Variants in SPATA17 observed in about 807,000 individuals in gnomAD.
SPATA17 encodes the protein spermatogenesis associated 17.
Under a neutral mutation model 62.2 loss-of-function variants are expected in SPATA17, and 53 were observed. The observed-to-expected ratio is 0.85, with a 90% CI of 0.68 to 1.07. SPATA17 has a LOEUF of 1.07. Ranked by LOEUF, SPATA17 falls within the 50% of genes least tolerant of loss-of-function variation. SPATA17 has a pLI of 0.00. For missense variants in SPATA17, 466 were observed against 425.5 expected (o/e 1.10, Z -0.84); for synonymous variants, 146 against 146.8 (o/e 0.99, Z 0.04).
chr1:217,765,409 A>C (rs1377158845), intron 6 of SPATA17, among the ~76,000 whole-genome samples: 1 of 151,768 alleles, frequency 6.6e-6, no homozygotes, highest in Non-Finnish European at 1.5e-5. Flanking sequence ...CAATGCAATA[A>C]ATTTTCCTTT....
chr1:217,653,404 C>G lies in SPATA17; in HGVS notation c.240+2226C>G, dbSNP rs372240621. Among the ~76,000 whole-genome samples, 16 of 152,272 alleles carry G rather than the reference C, an allele frequency of 1.1e-4. No homozygotes were observed. The East Asian group carries it at 2.9e-3, about 28-fold the overall frequency. ...TCAATCCATCTAAACTGCTATTCAA[C>G]TCATAACCCTAGAATCTACAACTTG... On this transcript the variant is annotated intron_variant, in intron 3 of 10. Coordinates refer to ENST00000366933, the MANE Select transcript of SPATA17 (RefSeq NM_138796.4).
At chr1:217,758,379 G>A (rs1433749397) in intron 6 of SPATA17, among the ~76,000 whole-genome samples, 2 of 152,242 alleles carry the variant, frequency 1.3e-5, no homozygotes, top group African/African-American at 4.8e-5. Flanking sequence ...GTCAACCACT[G>A]TTCAAAGTGC....
intron 6 of SPATA17, among the ~76,000 whole-genome samples, chr1:217,764,280 T>A (rs1673246791): frequency 6.6e-6 from 1 of 152,190 alleles, no homozygotes; most frequent in South Asian, 2.1e-4. Flanking sequence ...CCACTGATCC[T>A]TTTACTATCT....
At chr1:217,657,630 CAAT>C (rs1670472756) in intron 3 of SPATA17, among the ~76,000 whole-genome samples, 1 of 151,972 alleles carries the variant, frequency 6.6e-6, no homozygotes, top group African/African-American at 2.4e-5. Flanking sequence ...CAGTTATATA[CAAT>C]AATAACAATG....
chr1:217,766,295 G>C (rs1050647273), intron 6 of SPATA17, among the ~76,000 whole-genome samples: 1 of 151,726 alleles, frequency 6.6e-6, no homozygotes, highest in Admixed American at 6.6e-5. Flanking sequence ...GATTTTAACT[G>C]CATATTTTAT....
chr1:217,715,472 T>C (rs564777058), intron 5 of SPATA17, among the ~76,000 whole-genome samples: 8 of 152,288 alleles, frequency 5.3e-5, no homozygotes, highest in Non-Finnish European at 7.4e-5. Flanking sequence ...AAAATGCTAA[T>C]AGGTAAGGTC....
At chr1:217,735,362 G>C (rs1172502440) in intron 5 of SPATA17, among the ~76,000 whole-genome samples, 1 of 151,678 alleles carries the variant, frequency 6.6e-6, no homozygotes, top group Non-Finnish European at 1.5e-5. Flanking sequence ...CACAGAGGGA[G>C]AGCATCTTTC....
Position 217,764,807 on chromosome 1 carries a change from GAC to G in SPATA17, c.520-9526_520-9525del, listed in dbSNP as rs1673257500. Among the ~76,000 whole-genome samples the G allele has an allele frequency of 2.6e-5, 4 of 152,190 alleles. No individual in the cohort carries two copies. In the South Asian group the frequency reaches 8.3e-4, roughly 32 times the overall value. ...ATATTCCTTAATGACACATGATAAT[GAC>G]TATCTTTTCTTATACTTATTTGCCA... On this transcript the variant is annotated intron_variant, in intron 6 of 10. Coordinates refer to ENST00000366933, the MANE Select transcript of SPATA17 (RefSeq NM_138796.4).
intron 3 of SPATA17, among the ~76,000 whole-genome samples, chr1:217,655,403 ATGT>A (rs1670420904): frequency 6.6e-6 from 1 of 152,190 alleles, no homozygotes; most frequent in South Asian, 2.1e-4. Flanking sequence ...TGTCCAATAA[ATGT>A]TGTTAACTTT....
intron 6 of SPATA17, 87 bp from the exon 7 acceptor site, chr1:217,774,247 C>A: frequency 8.8e-7 from 1 of 1,139,156 alleles, no homozygotes; most frequent in Non-Finnish European, 1.2e-6. Context: ...ATTCTTTAAA[C>A]ATAAGAAAAA....
intron 8 of SPATA17, among the ~76,000 whole-genome samples, chr1:217,795,676 G>A (rs1398365776): frequency 6.6e-6 from 1 of 151,754 alleles, no homozygotes; most frequent in Non-Finnish European, 1.5e-5. Context: ...AGTGACAAAA[G>A]TCTATTGACT....
In SPATA17 at chr1:217,780,244, G is replaced by A. The variant is rs185386585; in HGVS notation, c.724-1930G>A. On this transcript the variant is annotated intron_variant, in intron 7 of 10. Transcript: ENST00000366933. ...AAATATAAATCAACAAAAATTTGAC[G>A]TAAGAGAAACTTGATAGCTGGTGTC... Among the ~76,000 whole-genome samples, 42 of 152,172 alleles carry A rather than the reference G, an allele frequency of 2.8e-4. No individual in the cohort carries two copies. The East Asian group carries it at 6.0e-3, about 22-fold the overall frequency.
rs556455789 is a variant in SPATA17, at chr1:217,703,490, C to T, written c.395+20129C>T. Among the ~76,000 whole-genome samples, 4 of 152,220 alleles carry T rather than the reference C, an allele frequency of 2.6e-5. No homozygotes were observed. The East Asian group carries it at 7.7e-4, about 29-fold the overall frequency. Reference sequence around the variant, plus strand: ...CCTGGCATATTTCATTACTTTTTATCCTAAATTGTCACTGACGTACAAAGT... The same window carrying T: ...CCTGGCATATTTCATTACTTTTTATTCTAAATTGTCACTGACGTACAAAGT... On this transcript the variant is annotated intron_variant, in intron 5 of 10. Transcript: ENST00000366933.
At chr1:217,687,527 CT>C (rs1671243139) in intron 5 of SPATA17, among the ~76,000 whole-genome samples, 1 of 152,020 alleles carries the variant, frequency 6.6e-6, no homozygotes, top group South Asian at 2.1e-4. Flanking sequence ...TTTACTGTAC[CT>C]TTTTATGTTT....
chr1:217,711,483 T>A (rs1671862454), intron 5 of SPATA17, among the ~76,000 whole-genome samples: 3 of 152,336 alleles, frequency 2.0e-5, no homozygotes, highest in Admixed American at 6.5e-5. Flanking sequence ...AGATATGAAT[T>A]CGAGTCATAG....
intron 5 of SPATA17, among the ~76,000 whole-genome samples, chr1:217,736,293 T>C (rs1007957707): frequency 3.3e-5 from 5 of 152,186 alleles, no homozygotes; most frequent in African/African-American, 4.8e-5. Context: ...TACACACTTA[T>C]ATGGAGACAG....
At chr1:217,763,625 A>G (rs1673225770) in intron 6 of SPATA17, among the ~76,000 whole-genome samples, 1 of 152,224 alleles carries the variant, frequency 6.6e-6, no homozygotes, top group African/African-American at 2.4e-5. Flanking sequence ...TATTTTTATT[A>G]CTTGGACTTC....
At chr1:217,773,513 A>G (rs1049559754) in intron 6 of SPATA17, among the ~76,000 whole-genome samples, 4 of 152,134 alleles carry the variant, frequency 2.6e-5, no homozygotes, top group Non-Finnish European at 5.9e-5. Flanking sequence ...ATTTCGTTCT[A>G]TGCAGTTTGT....
chr1:217,688,283 A>C (rs116555414), intron 5 of SPATA17, among the ~76,000 whole-genome samples: 7,628 of 152,112 alleles, frequency 0.05, 246 homozygotes, highest in Middle Eastern at 0.12. Flanking sequence ...ACTGGTTATA[A>C]TTCCCCTCCC....
Sources: allele counts gnomAD v4.1 joint callset (sites outside exome capture counted in the v4.1 genomes callset), GRCh38; gene constraint gnomAD v4.1.1; transcripts MANE v1.5; gene names NCBI Gene and HGNC (gene_info 2026-07-23, HGNC 2026-07-21).